The following CEP83 variants were observed in gnomAD, a reference collection of about 807,000 sequenced individuals.
CEP83 encodes centrosomal protein of 83 kDa.
Under a neutral mutation model 101.9 loss-of-function variants are expected in CEP83, and 70 were observed. The observed-to-expected ratio is 0.69, with a 90% CI of 0.57 to 0.84. The LOEUF (loss-of-function observed/expected upper bound fraction) is 0.84. Among genes scored for constraint, CEP83 ranks in the 40% least tolerant of loss-of-function variants. The pLI, the probability that CEP83 is intolerant of heterozygous loss-of-function variation, is 0.00. For synonymous variants in CEP83, 264 were observed against 267.9 expected (o/e 0.99, Z 0.14); for missense variants, 715 against 787.2 (o/e 0.91, Z 1.10).
chr12:94,272,315 C>T, the CEP83 span: 1 of 152,288 alleles, frequency 6.6e-6, no homozygotes, highest in East Asian at 1.9e-4. Flanking sequence ...CTCTTGTCCT[C>T]ATATTCTAAG....
intron 1 of CEP83, among the ~76,000 whole-genome samples, chr12:94,438,473 G>A (rs1463840825): frequency 1.3e-5 from 2 of 152,116 alleles, no homozygotes; most frequent in Non-Finnish European, 2.9e-5. Context: ...AATGATAAAA[G>A]GATTAGTCCA....
At chr12:94,365,769 G>GA (rs766001301) in intron 11 of CEP83, among the ~76,000 whole-genome samples, 747 of 70,430 alleles carry the variant, frequency 0.011, 6 homozygotes, top group East Asian at 0.026. Context: ...GACTGTGTTT[G>GA]AAAAAAAAAA....
chr12:94,422,440 A>G (rs950848528), intron 2 of CEP83, among the ~76,000 whole-genome samples: 4 of 152,258 alleles, frequency 2.6e-5, no homozygotes, highest in African/African-American at 9.6e-5. Flanking sequence ...ACTAGGCAAT[A>G]GAAATTTTTT....
At chr12:94,279,891 A>G in the CEP83 span, 4 of 657,276 alleles carry the variant, frequency 6.1e-6, no homozygotes, top group South Asian at 6.2e-5. Context: ...TTGTCTTTAA[A>G]TATTACGTCT....
chr12:94,379,255 T>A (rs530959282), intron 6 of CEP83, among the ~76,000 whole-genome samples: 26 of 152,172 alleles, frequency 1.7e-4, no homozygotes, highest in Non-Finnish European at 2.4e-4. Context: ...TTTCCCTGTA[T>A]CTCCACGTGG....
At chr12:94,418,159 C>T (rs566758131) in intron 2 of CEP83, among the ~76,000 whole-genome samples, 2 of 152,118 alleles carry the variant, frequency 1.3e-5, no homozygotes, top group Admixed American at 6.5e-5. Context: ...GCCAGGAGTT[C>T]GAGATCAGCC....
intron 14 of CEP83, among the ~76,000 whole-genome samples, chr12:94,326,105 GA>G (rs1323990898): frequency 1.3e-5 from 2 of 152,126 alleles, no homozygotes; most frequent in Admixed American, 1.3e-4. Context: ...TGACCCGTAA[GA>G]AGGGGAGGGG....
chr12:94,340,440 T>G (rs2059630698), intron 11 of CEP83, among the ~76,000 whole-genome samples: 1 of 151,840 alleles, frequency 6.6e-6, no homozygotes, highest in Non-Finnish European at 1.5e-5. Flanking sequence ...CTCTAGATTT[T>G]TTTTTTTTTT....
chr12:94,288,881 CAG>C, the CEP83 span, among the ~76,000 whole-genome samples: 12 of 152,340 alleles, frequency 7.9e-5, no homozygotes, highest in African/African-American at 2.9e-4. Flanking sequence ...AGATTTCAAT[CAG>C]AGTTTCTGTG....
intron 14 of CEP83, among the ~76,000 whole-genome samples, chr12:94,317,619 A>G (rs1970919263): frequency 6.6e-6 from 1 of 152,022 alleles, no homozygotes; most frequent in African/African-American, 2.4e-5. Context: ...TCTAGTTTCA[A>G]TCTTCTGCAT....
chr12:94,346,770 A>T (rs1036642112), intron 11 of CEP83, among the ~76,000 whole-genome samples: 8 of 152,216 alleles, frequency 5.3e-5, no homozygotes, highest in Non-Finnish European at 8.8e-5. Context: ...AAATCCATAC[A>T]TTTGGTCACA....
the CEP83 span, chr12:94,278,073 T>A: frequency 2.2e-6 from 1 of 455,908 alleles, no homozygotes. Flanking sequence ...TCCCTCTGTC[T>A]CTGTATGGGC....
At chr12:94,357,005 C>A (rs1036431993) in intron 11 of CEP83, among the ~76,000 whole-genome samples, 2 of 152,134 alleles carry the variant, frequency 1.3e-5, no homozygotes, top group East Asian at 3.8e-4. Context: ...ATGTGGGGAA[C>A]AATACCCTTC....
chr12:94,272,597 T>C, the CEP83 span, among the ~76,000 whole-genome samples: 4 of 152,034 alleles, frequency 2.6e-5, no homozygotes, highest in Admixed American at 2.6e-4. Flanking sequence ...AGCACTACTC[T>C]CCCTTTTGTT....
At chr12:94,377,362 A>G (rs989084661) in intron 7 of CEP83, among the ~76,000 whole-genome samples, 11 of 152,160 alleles carry the variant, frequency 7.2e-5, no homozygotes, top group Admixed American at 3.3e-4. Context: ...ATCACACCAC[A>G]TATCAGTAAC....
the CEP83 span, chr12:94,277,155 T>G: frequency 6.6e-6 from 1 of 152,218 alleles, no homozygotes; most frequent in Non-Finnish European, 1.5e-5. Context: ...TGGTGTCCTG[T>G]GAGAGCCCCC....
At chr12:94,312,616 G>A in intron 15 of CEP83, 2 of 985,376 alleles carry the variant, frequency 2.0e-6, no homozygotes, top group Non-Finnish European at 2.4e-6. Context: ...CTATGCAATA[G>A]CTACAACTGT....
At chr12:94,364,452 A>G (rs529374317) in intron 11 of CEP83, among the ~76,000 whole-genome samples, 1 of 152,260 alleles carries the variant, frequency 6.6e-6, no homozygotes, top group Non-Finnish European at 1.5e-5. Context: ...CCAGACATTA[A>G]AGCATACTAT....
At chr12:94,378,731 T>C in intron 7 of CEP83, 60 bp downstream of exon 7, 3 of 1,573,692 alleles carry the variant, frequency 1.9e-6, no homozygotes, top group Admixed American at 3.6e-5. Context: ...AATCAAAGGC[T>C]TGTCAACTGC....
Sources: allele counts gnomAD v4.1 joint callset (sites outside exome capture counted in the v4.1 genomes callset), GRCh38; gene constraint gnomAD v4.1.1; transcripts MANE v1.5; gene names NCBI Gene and HGNC (gene_info 2026-07-23, HGNC 2026-07-21).